Variants in GCNT2 observed in about 807,000 individuals in gnomAD.
GCNT2 encodes the protein glucosaminyl (N-acetyl) transferase 2 (I blood group).
A neutral mutation model predicts 34.2 loss-of-function variants in GCNT2; 34 were observed. The ratio of observed to expected loss-of-function variants is 1.00; its 90% CI spans 0.76 to 1.32. The LOEUF (loss-of-function observed/expected upper bound fraction) is 1.32, where lower values mean the gene tolerates loss of function less well. Among genes scored for constraint, GCNT2 ranks in the 40% most tolerant of loss-of-function variants. The pLI is 0.00. For missense variants in GCNT2, 584 were observed against 489.4 expected, an observed-to-expected ratio of 1.19 and a Z score of -1.82; for synonymous variants, 212 against 188.0, an observed-to-expected ratio of 1.13 and a Z score of -1.04.
chr6:10,553,932 A>G lies in GCNT2; in HGVS notation c.925+24096A>G, dbSNP rs550416140. Among the ~76,000 whole-genome samples, 38 of 152,322 alleles carry G rather than the reference A, an allele frequency of 2.5e-4. No homozygotes were observed. The South Asian group carries it at 6.8e-3, about 27-fold the overall frequency. ...CAAACATACCTCAAATAATGTCTGCAAAATAAAAGACTATGAACGGAATAT... is the reference window on the plus strand; with the variant it reads ...CAAACATACCTCAAATAATGTCTGCGAAATAAAAGACTATGAACGGAATAT... On this transcript the variant is annotated intron_variant, in intron 3 of 4. Transcript: ENST00000495262.
At chr6:10,593,314 T>G (rs887845044) in intron 3 of GCNT2, among the ~76,000 whole-genome samples, 6 of 152,086 alleles carry the variant, frequency 3.9e-5, no homozygotes, top group African/African-American at 1.4e-4. Flanking sequence ...ATAAGACAGT[T>G]TTTTCTAGAA....
chr6:10,601,938 C>CT (rs1220317336), intron 3 of GCNT2, among the ~76,000 whole-genome samples: 3 of 94,060 alleles, frequency 3.2e-5, no homozygotes, highest in African/African-American at 1.1e-4. Context: ...GAGACTCCAT[C>CT]TCAAGAAAAA....
intron 3 of GCNT2, among the ~76,000 whole-genome samples, chr6:10,536,436 AGT>A (rs1761755957): frequency 6.6e-6 from 1 of 151,626 alleles, no homozygotes; most frequent in African/African-American, 2.4e-5. Context: ...GCTCACTGCA[AGT>A]TCTCCTCCCG....
chr6:10,611,174 C>T (rs115826736), intron 3 of GCNT2, among the ~76,000 whole-genome samples: 5,486 of 150,134 alleles, frequency 0.037, 128 homozygotes, highest in Admixed American at 0.071. Flanking sequence ...TGCTTGAGTC[C>T]AGGAGTTTGA....
rs558491663 is a variant in GCNT2, at chr6:10,561,565, C to T, written c.925+31729C>T. On this transcript the variant is annotated intron_variant, in intron 3 of 4. Transcript: ENST00000495262. The stretch of plus-strand genomic sequence containing the variant: ...AATTGTTCAGCATCTACCCAAGTGG[C>T]CGCTGGTTGATCTTCTTCCCAGTCC... Among the ~76,000 whole-genome samples the T allele has an allele frequency of 8.5e-5, 13 of 152,322 alleles. No homozygotes were observed. In the East Asian group the frequency reaches 2.3e-3, roughly 27 times the overall value.
At chr6:10,566,214 C>A (rs1763277985) in intron 3 of GCNT2, among the ~76,000 whole-genome samples, 1 of 151,800 alleles carries the variant, frequency 6.6e-6, no homozygotes, top group South Asian at 2.1e-4. Flanking sequence ...CTTAGAGTCA[C>A]ACTCTGTAAA....
chr6:10,612,204 C>T (rs1213508572), intron 3 of GCNT2, among the ~76,000 whole-genome samples: 1 of 152,140 alleles, frequency 6.6e-6, no homozygotes, highest in Non-Finnish European at 1.5e-5. Flanking sequence ...CCAGGCTGGT[C>T]TTGAACTCCT....
intron 4 of GCNT2, among the ~76,000 whole-genome samples, chr6:10,625,474 C>T (rs1239114442): frequency 2.0e-5 from 3 of 151,890 alleles, no homozygotes; most frequent in Non-Finnish European, 4.4e-5. Context: ...CCAACAAAAC[C>T]CCCTCTCCCA....
At chr6:10,614,192 G>T (rs759440403) in intron 3 of GCNT2, among the ~76,000 whole-genome samples, 1 of 152,140 alleles carries the variant, frequency 6.6e-6, no homozygotes, top group Non-Finnish European at 1.5e-5. Flanking sequence ...TTCAAATTGA[G>T]CTGTCACCAG....
chr6:10,540,706 G>T (rs116376236), intron 3 of GCNT2, among the ~76,000 whole-genome samples: 1 of 152,166 alleles, frequency 6.6e-6, no homozygotes, highest in Non-Finnish European at 1.5e-5. Flanking sequence ...CTAATAAGAT[G>T]TTCTCTACAA....
intron 4 of GCNT2, among the ~76,000 whole-genome samples, chr6:10,622,480 G>C (rs1449360099): frequency 6.6e-6 from 1 of 151,784 alleles, no homozygotes; most frequent in Non-Finnish European, 1.5e-5. Flanking sequence ...AAGGAGACCA[G>C]TCATATTGGA....
intron 3 of GCNT2, among the ~76,000 whole-genome samples, chr6:10,562,117 G>A (rs992845391): frequency 1.3e-5 from 2 of 152,082 alleles, no homozygotes; most frequent in Non-Finnish European, 2.9e-5. Context: ...GAGTCAAACC[G>A]TGTGCTCAGG....
chr6:10,569,849 CT>C (rs1561807310), intron 3 of GCNT2, among the ~76,000 whole-genome samples: 137 of 146,142 alleles, frequency 9.4e-4, no homozygotes, highest in Middle Eastern at 3.6e-3. Context: ...TCCTTCCTTT[CT>C]CTTTCTTTCT....
At chr6:10,582,528 TC>T (rs1375688371) in intron 3 of GCNT2, among the ~76,000 whole-genome samples, 1 of 125,494 alleles carries the variant, frequency 8.0e-6, no homozygotes, top group African/African-American at 3.5e-5. Flanking sequence ...ATATTATACA[TC>T]ATATATTATA....
chr6:10,613,252 C>T (rs1765632612), intron 3 of GCNT2, among the ~76,000 whole-genome samples: 1 of 152,134 alleles, frequency 6.6e-6, no homozygotes, highest in Non-Finnish European at 1.5e-5. Flanking sequence ...AAAGGCTGAG[C>T]CCCAAGAAAA....
At chr6:10,556,906 G>A in intron 3 of GCNT2, 3 of 1,614,096 alleles carry the variant, frequency 1.9e-6, no homozygotes, top group Non-Finnish European at 2.5e-6. Flanking sequence ...TCTATGGAGG[G>A]ATCTCCAGGC....
chr6:10,607,661 A>C (rs750131317), intron 3 of GCNT2, among the ~76,000 whole-genome samples: 1 of 152,156 alleles, frequency 6.6e-6, no homozygotes, highest in African/African-American at 2.4e-5. Flanking sequence ...ATTTGAATGC[A>C]ATATAATTTA....
chr6:10,561,126 G>A (rs970286349), intron 3 of GCNT2, among the ~76,000 whole-genome samples: 71 of 152,246 alleles, frequency 4.7e-4, no homozygotes, highest in African/African-American at 1.6e-3. Flanking sequence ...AAAAACCCAT[G>A]TGCTCTAGCT....
rs1762683241 is a variant in GCNT2, at chr6:10,556,021, C to T, written c.925+26185C>T. On this transcript the variant is annotated intron_variant, in intron 3 of 4. Coordinates refer to ENST00000495262, the MANE Select transcript of GCNT2 (RefSeq NM_145649.5). The stretch of plus-strand genomic sequence containing the variant: ...CTCTGGCTTTCACTGCGCTCATTCC[C>T]TGAATGGCAGTAACCAGGGGGCGGG... The T allele has an allele frequency of 3.5e-6, 4 of 1,130,788 alleles. No homozygotes were observed. The African/African-American group carries it at 4.9e-5, about 14-fold the overall frequency. The allele number at this position is 1,130,788 out of a possible 1,614,324, so 70.0% of individuals were successfully genotyped here. A position where few individuals can be genotyped will look rare whatever the true frequency, so the allele number is the denominator to read the frequency against.
Sources: gnomAD v4.1 joint callset for allele counts (sites outside exome capture counted in the v4.1 genomes callset) on GRCh38, gnomAD v4.1.1 for gene constraint, MANE v1.5 for transcripts, NCBI Gene and HGNC (gene_info 2026-07-23, HGNC 2026-07-21) for gene names.